Variants in SPAG16 observed in about 807,000 individuals in gnomAD.
SPAG16 encodes the protein sperm-associated antigen 16 protein.
Under a neutral mutation model 80.4 loss-of-function variants are expected in SPAG16, and 86 were observed. The ratio of observed to expected loss-of-function variants is 1.07; its 90% CI spans 0.90 to 1.28. The LOEUF is 1.28. Ranked by LOEUF, SPAG16 falls within the 50% of genes most tolerant of loss-of-function variation. SPAG16 has a pLI of 0.00. For synonymous variants in SPAG16, 294 were observed against 265.9 expected (o/e 1.11, Z -1.03); for missense variants, 870 against 765.3 (o/e 1.14, Z -1.61).
At chr2:213,387,312 A>G (rs1025169012) in intron 9 of SPAG16, among the ~76,000 whole-genome samples, 1 of 151,558 alleles carries the variant, frequency 6.6e-6, no homozygotes, top group Non-Finnish European at 1.5e-5. Context: ...ACTATTATTA[A>G]AAGTATTTTA....
At chr2:214,013,212 C>T (rs549879945) in intron 12 of SPAG16, among the ~76,000 whole-genome samples, 5 of 141,192 alleles carry the variant, frequency 3.5e-5, no homozygotes, top group Admixed American at 2.2e-4. Context: ...AGTAATTAAT[C>T]GGTGCATTAA....
intron 9 of SPAG16, among the ~76,000 whole-genome samples, chr2:213,440,654 G>A (rs1350688445): frequency 6.6e-6 from 1 of 152,188 alleles, no homozygotes; most frequent in Non-Finnish European, 1.5e-5. Flanking sequence ...CATGAGAAGT[G>A]TGGTACTACT....
chr2:213,942,907 T>C (rs1344596401), intron 12 of SPAG16, among the ~76,000 whole-genome samples: 1 of 152,166 alleles, frequency 6.6e-6, no homozygotes, highest in Non-Finnish European at 1.5e-5. Context: ...GTGAGGCCTT[T>C]GGGAATTAAT....
At chr2:214,339,151 G>A (rs900937261) in intron 15 of SPAG16, among the ~76,000 whole-genome samples, 2 of 152,164 alleles carry the variant, frequency 1.3e-5, no homozygotes, top group African/African-American at 2.4e-5. Context: ...GCTATTTAGA[G>A]GTTGATTGCA....
At chr2:214,036,342 T>A (rs958350308) in intron 13 of SPAG16, among the ~76,000 whole-genome samples, 6 of 152,206 alleles carry the variant, frequency 3.9e-5, no homozygotes, top group African/African-American at 1.4e-4. Flanking sequence ...GGCTTAGCAC[T>A]GGAGTCAGCC....
rs941471728 is a variant in SPAG16, at chr2:213,838,275, G to A, written c.1071-24210G>A. Among the ~76,000 whole-genome samples the A allele has an allele frequency of 3.3e-5, 5 of 152,096 alleles. No homozygotes were observed. The East Asian group carries it at 5.8e-4, about 18-fold the overall frequency. ...CAACCTCTGCCTCCTGGGTTCAAGC[G>A]ATTCTCCTGCCTCAGCTTCCCAAGT... On this transcript the variant is annotated intron_variant, in intron 10 of 15. Transcript: ENST00000331683.
At chr2:213,400,023 C>T (rs1374388750) in intron 9 of SPAG16, among the ~76,000 whole-genome samples, 2 of 151,900 alleles carry the variant, frequency 1.3e-5, no homozygotes, top group Non-Finnish European at 2.9e-5. Flanking sequence ...GCCCTCCCTT[C>T]CAACAGTTTT....
At chr2:213,557,922 AAAAC>A (rs1240061312) in intron 10 of SPAG16, among the ~76,000 whole-genome samples, 5 of 152,336 alleles carry the variant, frequency 3.3e-5, no homozygotes, top group Non-Finnish European at 1.5e-5. Flanking sequence ...GATTTTTTAA[AAAAC>A]AAGGAAGTCA....
intron 10 of SPAG16, among the ~76,000 whole-genome samples, chr2:213,583,727 A>G (rs571568285): frequency 6.6e-6 from 1 of 152,198 alleles, no homozygotes; most frequent in South Asian, 2.1e-4. Flanking sequence ...TTTTCCTATG[A>G]TTTTTTCTCC....
At chr2:214,119,857 T>C (rs2054127867) in intron 14 of SPAG16, among the ~76,000 whole-genome samples, 1 of 152,016 alleles carries the variant, frequency 6.6e-6, no homozygotes, top group South Asian at 2.1e-4. Context: ...TTTATTTTCA[T>C]TCTGTTATTT....
intron 10 of SPAG16, among the ~76,000 whole-genome samples, chr2:213,704,363 A>G (rs1490423936): frequency 1.3e-5 from 2 of 152,150 alleles, no homozygotes; most frequent in African/African-American, 4.8e-5. Flanking sequence ...ATTTTATTCA[A>G]TAGGTGAGGC....
At chr2:214,042,677 CT>C (rs1331189915) in intron 13 of SPAG16, among the ~76,000 whole-genome samples, 1 of 152,112 alleles carries the variant, frequency 6.6e-6, no homozygotes, top group African/African-American at 2.4e-5. Context: ...TGTCTTCACA[CT>C]TTCTTTTCCT....
At chr2:213,549,621 C>T (rs1341711865) in intron 10 of SPAG16, among the ~76,000 whole-genome samples, 1 of 152,174 alleles carries the variant, frequency 6.6e-6, no homozygotes, top group Non-Finnish European at 1.5e-5. Flanking sequence ...CATGTGGAAG[C>T]TAAACAGATC....
chr2:214,304,277 C>T (rs529737017), intron 15 of SPAG16, among the ~76,000 whole-genome samples: 38 of 152,322 alleles, frequency 2.5e-4, no homozygotes, highest in Admixed American at 1.8e-3. Flanking sequence ...CTCTGCAGCA[C>T]TGTGACATGT....
intron 12 of SPAG16, among the ~76,000 whole-genome samples, chr2:214,013,538 G>A: frequency 6.6e-6 from 1 of 152,086 alleles, no homozygotes; most frequent in Non-Finnish European, 1.5e-5. Flanking sequence ...AAGTGCCTCA[G>A]GTGATTCTAA....
chr2:213,426,836 TACAC>T (rs199604984), intron 9 of SPAG16, among the ~76,000 whole-genome samples: 1,439 of 125,846 alleles, frequency 0.011, 30 homozygotes, highest in African/African-American at 0.037. Context: ...TTCTGATACA[TACAC>T]ACACACACAC....
intron 10 of SPAG16, among the ~76,000 whole-genome samples, chr2:213,648,888 G>T (rs982130255): frequency 3.3e-5 from 5 of 152,226 alleles, no homozygotes; most frequent in Admixed American, 2.0e-4. Context: ...GCCTAATCCT[G>T]TGGCCACAAT....
intron 13 of SPAG16, among the ~76,000 whole-genome samples, chr2:214,017,602 C>A (rs2047656975): frequency 6.6e-6 from 1 of 152,114 alleles, no homozygotes; most frequent in Non-Finnish European, 1.5e-5. Context: ...ATGCATACAG[C>A]TGTTTATTGA....
In SPAG16 at chr2:213,551,350, G is replaced by C. The variant is rs73988543; in HGVS notation, c.1070+61260G>C. On this transcript the variant is annotated intron_variant, in intron 10 of 15. Coordinates refer to ENST00000331683, the MANE Select transcript of SPAG16 (RefSeq NM_024532.5). ...ACTGGCATTAGGGGGCATTTCCCAA[G>C]AAAAGTACTGGCAGGTGGTCTTCAT... 2.6e-3 allele frequency among the ~76,000 whole-genome samples: 395 copies of C among 152,324 alleles called. 5 individuals carry two copies. The highest frequency in any genetic ancestry group is 8.8e-3 in the African/African-American group (364 of 41,580).
Sources: gnomAD v4.1 joint callset for allele counts (sites outside exome capture counted in the v4.1 genomes callset) on GRCh38, gnomAD v4.1.1 for gene constraint, MANE v1.5 for transcripts, NCBI Gene and HGNC (gene_info 2026-07-23, HGNC 2026-07-21) for gene names.